Variants in MAP3K15 observed in about 807,000 individuals in gnomAD.
MAP3K15 encodes the protein mitogen-activated protein kinase kinase kinase 15.
A neutral mutation model predicts 99.5 loss-of-function variants in MAP3K15; 124 were observed. That is an observed-to-expected ratio of 1.25 (90% CI 1.08 to 1.45). The LOEUF is 1.45. Ranked by LOEUF, MAP3K15 falls within the 40% of genes most tolerant of loss-of-function variation. The probability of loss-of-function intolerance (pLI) is 0.00; values close to 1 mark genes in which losing one functional copy is unlikely to be tolerated. For missense variants in MAP3K15, 1,242 were observed against 1,079.7 expected (o/e 1.15, Z -2.11); for synonymous variants, 494 against 439.6 (o/e 1.12, Z -1.55).
At position 19,371,470 on chromosome X, in the gene MAP3K15, C is replaced by A; in HGVS notation, c.3169G>T (p.Asp1057Tyr). Residue 1057 changes from aspartate to tyrosine, a missense_variant, in exon 23 of 29, where the codon GAC becomes TAC. Physicochemically the swap from Asp to Tyr is radical, Grantham distance 160. Transcript: ENST00000338883. The part of the protein sequence containing the change: ...HIKQIIGILR[D>Y]FIRSPEHRVM... ...CGGTGCTCTGGGGAGCGGATGAAGT[C>A]CCTCAGGATCCCAATGATTTGCTTG... 1.7e-6 allele frequency: 2 copies of A among 1,210,232 alleles called. No individual in the cohort carries two copies. Among genetic ancestry groups the A allele is most frequent in the South Asian group, 3.5e-5 (2 of 56,868 alleles).
chrX:19,447,205 T>C (rs1197487959), intron 6 of MAP3K15, among the ~76,000 whole-genome samples: 6 of 111,799 alleles, frequency 5.4e-5, no homozygotes, highest in Non-Finnish European at 1.9e-5. Flanking sequence ...TTTTTATTTC[T>C]TGTCTTCTGT....
At chrX:19,431,675 G>A in intron 6 of MAP3K15, 67 bp from the exon 7 acceptor site, 1 of 987,770 alleles carries the variant, frequency 1.0e-6, no homozygotes, top group Non-Finnish European at 1.4e-6. Flanking sequence ...GCCAGGTGCA[G>A]TGGCTCCCAC....
chrX:19,418,270 T>G (rs1351473228), intron 9 of MAP3K15, among the ~76,000 whole-genome samples: 1 of 110,480 alleles, frequency 9.1e-6, no homozygotes, highest in Admixed American at 9.7e-5. Context: ...TTCGAACCCA[T>G]GGCAAAGAAG....
Position 19,362,513 on chromosome X carries a change from G to A in MAP3K15, c.3679+225C>T, listed in dbSNP as rs747821895. 9.0e-5 allele frequency among the ~76,000 whole-genome samples: 10 copies of A among 111,047 alleles called. 1 individual carries two copies. The South Asian group carries it at 2.6e-3, about 29-fold the overall frequency. ...GCCTCCCAGAGTGCTGGGATTACAGGCACGAGCTACGGTGCTGGCTGTGAA... is the reference window on the plus strand; with the variant it reads ...GCCTCCCAGAGTGCTGGGATTACAGACACGAGCTACGGTGCTGGCTGTGAA... On this transcript the variant is annotated intron_variant, in intron 26 of 28. Coordinates refer to ENST00000338883, the MANE Select transcript of MAP3K15 (RefSeq NM_001001671.4).
At chrX:19,430,309 G>T (rs942106384) in intron 7 of MAP3K15, among the ~76,000 whole-genome samples, 4 of 111,685 alleles carry the variant, frequency 3.6e-5, no homozygotes, top group Non-Finnish European at 7.5e-5. Flanking sequence ...ACCAGGATTA[G>T]AACCACATGG....
intron 7 of MAP3K15, among the ~76,000 whole-genome samples, chrX:19,429,564 G>C (rs1222088082): frequency 9.1e-6 from 1 of 110,070 alleles, no homozygotes; most frequent in South Asian, 4.0e-4. Flanking sequence ...TCAAAATGTT[G>C]AGTCTGAAAT....
At chrX:19,371,092 A>T (rs757876398) in intron 23 of MAP3K15, 28 bp from the exon 24 acceptor site, 1 of 1,044,424 alleles carries the variant, frequency 9.6e-7, no homozygotes, top group Non-Finnish European at 1.3e-6. Context: ...AATAAAATAA[A>T]CTAAAATCAC....
chrX:19,384,771 A>AC (rs2063484012), intron 18 of MAP3K15, among the ~76,000 whole-genome samples: 1 of 105,706 alleles, frequency 9.5e-6, no homozygotes, highest in Non-Finnish European at 1.9e-5. Flanking sequence ...AAAAAAAAAA[A>AC]AAAAAAAAAC....
chrX:19,374,730 T>A, intron 19 of MAP3K15, 70 bp from the exon 20 acceptor site: 3 of 983,555 alleles, frequency 3.1e-6, no homozygotes, highest in Admixed American at 4.8e-5. Flanking sequence ...CATGTCTCAG[T>A]CCAAAGCTCC....
At chrX:19,479,317 T>C (rs1225628747) in intron 3 of MAP3K15, among the ~76,000 whole-genome samples, 2 of 110,767 alleles carry the variant, frequency 1.8e-5, no homozygotes, top group African/African-American at 6.6e-5. Context: ...TGGAGGAACA[T>C]AGAGGCCTGG....
intron 20 of MAP3K15, among the ~76,000 whole-genome samples, chrX:19,374,125 A>C (rs1051463976): frequency 3.6e-5 from 4 of 111,022 alleles, no homozygotes; most frequent in Non-Finnish European, 5.7e-5. Context: ...CCAGGCTCCA[A>C]AACTGAAGCC....
At chrX:19,478,585 A>G (rs1392387501) in intron 3 of MAP3K15, among the ~76,000 whole-genome samples, 1 of 109,780 alleles carries the variant, frequency 9.1e-6, no homozygotes, top group Admixed American at 9.6e-5. Context: ...TGTCTCCAAT[A>G]TTGCCAGTGT....
At chrX:19,479,557 C>T (rs1482629283) in intron 3 of MAP3K15, among the ~76,000 whole-genome samples, 1 of 111,872 alleles carries the variant, frequency 8.9e-6, no homozygotes, top group Non-Finnish European at 1.9e-5. Flanking sequence ...AGGAAATCAA[C>T]CTGCAAAATA....
chrX:19,394,835 T>TAA (rs71917867), intron 16 of MAP3K15, among the ~76,000 whole-genome samples: 1 of 53,114 alleles, frequency 1.9e-5, no homozygotes, highest in African/African-American at 1.1e-4. Flanking sequence ...TTTTTTTTTT[T>TAA]AAAAAGAGTG....
chrX:19,446,928 T>C (rs1175602138), intron 6 of MAP3K15, among the ~76,000 whole-genome samples: 1 of 111,353 alleles, frequency 9.0e-6, no homozygotes, highest in Admixed American at 9.6e-5. Context: ...TAATGATTTA[T>C]TGATTGAGAC....
intron 6 of MAP3K15, among the ~76,000 whole-genome samples, chrX:19,438,012 A>G (rs1338462654): frequency 1.8e-5 from 2 of 112,506 alleles, no homozygotes; most frequent in Non-Finnish European, 3.7e-5. Context: ...CTTCCGGAAT[A>G]TGGACGGGAC....
chrX:19,484,897 T>C, intron 3 of MAP3K15, among the ~76,000 whole-genome samples: 1 of 111,480 alleles, frequency 9.0e-6, no homozygotes, highest in Non-Finnish European at 1.9e-5. Context: ...TAGGCAGGGG[T>C]GGAACAACTG....
chrX:19,391,537 G>T (rs1276665840), intron 18 of MAP3K15, among the ~76,000 whole-genome samples: 1 of 107,594 alleles, frequency 9.3e-6, no homozygotes, highest in Non-Finnish European at 1.9e-5. Context: ...ATTAGGTGTG[G>T]TAGGGGGCGC....
chrX:19,457,606 C>T (rs1030595888), intron 5 of MAP3K15, among the ~76,000 whole-genome samples: 3 of 111,595 alleles, frequency 2.7e-5, no homozygotes, highest in African/African-American at 6.5e-5. Flanking sequence ...AGCAAGACTC[C>T]GTCTGTCTCA....
Sources: allele counts gnomAD v4.1 joint callset (sites outside exome capture counted in the v4.1 genomes callset), GRCh38; gene constraint gnomAD v4.1.1; transcripts MANE v1.5; gene names NCBI Gene and HGNC (gene_info 2026-07-23, HGNC 2026-07-21).